The following AGBL4 variants were observed in gnomAD, a reference collection of about 807,000 sequenced individuals.
The protein encoded by AGBL4 is cytosolic carboxypeptidase 6.
Under a neutral mutation model 66.4 loss-of-function variants are expected in AGBL4, and 58 were observed. The ratio of observed to expected loss-of-function variants is 0.87; its 90% CI spans 0.71 to 1.09. The LOEUF is 1.09. Among genes scored for constraint, AGBL4 ranks in the 50% least tolerant of loss-of-function variants. The pLI, the probability that AGBL4 is intolerant of heterozygous loss-of-function variation, is 0.00. For missense variants in AGBL4, 579 were observed against 631.0 expected (o/e 0.92, Z 0.88); for synonymous variants, 234 against 222.9 (o/e 1.05, Z -0.44).
intron 6 of AGBL4, chr1:48,758,955 C>A: frequency 6.3e-6 from 10 of 1,599,612 alleles, no homozygotes; most frequent in Admixed American, 1.7e-5. Flanking sequence ...GGTCACGGAG[C>A]TCCTTCATTT....
chr1:49,036,671 C>T (rs993253725), intron 5 of AGBL4, among the ~76,000 whole-genome samples: 4 of 151,840 alleles, frequency 2.6e-5, no homozygotes, highest in African/African-American at 9.7e-5. Context: ...CTCAAGCAAT[C>T]TCTCTGCCTC....
intron 8 of AGBL4, among the ~76,000 whole-genome samples, chr1:48,636,768 C>A (rs992722675): frequency 6.6e-6 from 1 of 152,202 alleles, no homozygotes; most frequent in Non-Finnish European, 1.5e-5. Flanking sequence ...GTAATTCGGC[C>A]AGCATATGGT....
Position 49,045,597 on chromosome 1 carries a change from A to G in AGBL4, c.581T>C (p.Leu194Pro), listed in dbSNP as rs1338843698. 1 of 1,604,614 alleles carries G rather than the reference A, an allele frequency of 6.2e-7. No homozygotes were observed. The highest frequency in any genetic ancestry group is 1.3e-5 in the African/African-American group (1 of 74,770). ...RNMDYFFREQ[L>P]GQSVQQRKLD... ...CACAGGCCTTACCACACTCTGGCCC[A>G]GCTGCTCCCGAAAGAAGTAATCCAT... Residue 194 changes from leucine (L) to proline (P), a missense_variant, in exon 5 of 14, where the codon CTG becomes CCG. Physicochemically the swap from Leu to Pro is moderately conservative, Grantham distance 98. Transcript: ENST00000371839.
chr1:48,989,861 C>T (rs892228218), intron 5 of AGBL4, among the ~76,000 whole-genome samples: 1 of 151,814 alleles, frequency 6.6e-6, no homozygotes, highest in Admixed American at 6.6e-5. Flanking sequence ...TCAGATATGT[C>T]TTCGATATAC....
intron 4 of AGBL4, among the ~76,000 whole-genome samples, chr1:49,078,281 T>C (rs748210781): frequency 2.0e-4 from 30 of 152,150 alleles, no homozygotes; most frequent in Non-Finnish European, 4.0e-4. Context: ...CCTGGGGCTT[T>C]AAAATACATA....
chr1:48,595,486 G>C (rs12066237), intron 9 of AGBL4, among the ~76,000 whole-genome samples: 9,215 of 152,296 alleles, frequency 0.061, 328 homozygotes, highest in African/African-American at 0.1. Context: ...CACAAATGTA[G>C]GGCCCTGAAT....
At chr1:48,760,809 A>C (rs1032556956) in intron 6 of AGBL4, among the ~76,000 whole-genome samples, 1 of 152,210 alleles carries the variant, frequency 6.6e-6, no homozygotes, top group Non-Finnish European at 1.5e-5. Flanking sequence ...CAAGATTTTC[A>C]GCAGTTTCCA....
At chr1:49,768,784 CAAAAGGCTTCTAGAACTT>C (rs1643967847) in intron 2 of AGBL4, among the ~76,000 whole-genome samples, 1 of 151,944 alleles carries the variant, frequency 6.6e-6, no homozygotes, top group African/African-American at 2.4e-5. Flanking sequence ...TAGATTCCAC[CAAAAGGCTTCTAGAACTT>C]AAAAGGAATA....
intron 5 of AGBL4, among the ~76,000 whole-genome samples, chr1:49,003,644 CTCT>C (rs1192587635): frequency 5.3e-5 from 8 of 152,068 alleles, no homozygotes; most frequent in Non-Finnish European, 8.8e-5. Context: ...CACAGCATGG[CTCT>C]TCTTACCTTT....
intron 2 of AGBL4, among the ~76,000 whole-genome samples, chr1:49,750,851 T>C (rs1243391468): frequency 1.3e-5 from 2 of 152,206 alleles, no homozygotes; most frequent in Admixed American, 1.3e-4. Context: ...TTTGTAGTAA[T>C]TGTGATTGAG....
At chr1:48,911,135 C>T (rs188164921) in intron 5 of AGBL4, among the ~76,000 whole-genome samples, 2 of 152,324 alleles carry the variant, frequency 1.3e-5, no homozygotes, top group Admixed American at 1.3e-4. Context: ...AAATTCTATT[C>T]TCCCATTTAT....
At chr1:49,108,097 C>T (rs1333066687) in intron 4 of AGBL4, among the ~76,000 whole-genome samples, 1 of 152,206 alleles carries the variant, frequency 6.6e-6, no homozygotes. Context: ...AGGATTGCTA[C>T]CAGGGATCTT....
At chr1:48,532,608 G>T (rs1643912546), downstream of AGBL4, among the ~76,000 whole-genome samples, 1 of 152,120 alleles carries the variant, frequency 6.6e-6, no homozygotes, top group South Asian at 2.1e-4. Context: ...CTAAAATGAT[G>T]CTATCATTTC....
At chr1:49,232,459 G>A (rs1005548573) in intron 4 of AGBL4, among the ~76,000 whole-genome samples, 15 of 152,240 alleles carry the variant, frequency 9.9e-5, no homozygotes, top group Middle Eastern at 6.8e-3. Context: ...AGCACTTTGG[G>A]AGGCTGAGGT....
chr1:49,622,608 G>A (rs547823196), intron 3 of AGBL4, among the ~76,000 whole-genome samples: 80 of 117,622 alleles, frequency 6.8e-4, no homozygotes, highest in Middle Eastern at 6.6e-3. Flanking sequence ...CAGCCTGGGC[G>A]ACAGAGCGAG....
At chr1:48,798,416 A>G (rs1645738763) in intron 6 of AGBL4, among the ~76,000 whole-genome samples, 1 of 150,918 alleles carries the variant, frequency 6.6e-6, no homozygotes, top group African/African-American at 2.4e-5. Flanking sequence ...ATTTTCTCCC[A>G]CTCTGTGGGT....
chr1:49,916,241 T>G, intron 1 of AGBL4, among the ~76,000 whole-genome samples: 1 of 152,204 alleles, frequency 6.6e-6, no homozygotes, highest in East Asian at 1.9e-4. Context: ...GGAGAATGAC[T>G]TTGATGAGTT....
At chr1:49,115,563 G>A (rs1645501595) in intron 4 of AGBL4, among the ~76,000 whole-genome samples, 1 of 151,972 alleles carries the variant, frequency 6.6e-6, no homozygotes, top group Admixed American at 6.6e-5. Context: ...ATATATACGT[G>A]TACATATGCA....
intron 11 of AGBL4, among the ~76,000 whole-genome samples, chr1:48,555,458 G>A (rs1430553566): frequency 2.0e-5 from 3 of 152,226 alleles, no homozygotes. Flanking sequence ...GCAGAGGCAT[G>A]TGCAAGCATG....
Sources: allele counts gnomAD v4.1 joint callset (sites outside exome capture counted in the v4.1 genomes callset), GRCh38; gene constraint gnomAD v4.1.1; transcripts MANE v1.5; gene names NCBI Gene and HGNC (gene_info 2026-07-23, HGNC 2026-07-21).